The following EXOC6 variants were observed in gnomAD, a reference collection of about 807,000 sequenced individuals.
The protein encoded by EXOC6 is exocyst complex component 6.
In EXOC6, 60 loss-of-function variants were observed where a neutral mutation model predicts 112.5. The observed-to-expected ratio is 0.53, with a 90% CI of 0.43 to 0.66. EXOC6 has a LOEUF of 0.66. EXOC6 is among the 30% of genes least tolerant of loss of function. EXOC6 has a pLI of 0.00. For synonymous variants in EXOC6, 295 were observed against 308.0 expected (o/e 0.96, Z 0.44); for missense variants, 855 against 957.1 (o/e 0.89, Z 1.41).
chr10:93,009,642 C>T (rs1373380800), intron 19 of EXOC6, among the ~76,000 whole-genome samples: 1 of 151,738 alleles, frequency 6.6e-6, no homozygotes, highest in Non-Finnish European at 1.5e-5. Flanking sequence ...CCAAGGAAGA[C>T]GATGATTGAA....
At chr10:92,934,211 T>A (rs1335722346) in intron 10 of EXOC6, 21 bp downstream of exon 10, 2 of 1,523,184 alleles carry the variant, frequency 1.3e-6, no homozygotes, top group Non-Finnish European at 1.8e-6. Flanking sequence ...AATATGGAAA[T>A]AACTATTATT....
chr10:92,840,818 T>G (rs112638885), intron 1 of EXOC6, among the ~76,000 whole-genome samples: 1 of 151,718 alleles, frequency 6.6e-6, no homozygotes, highest in South Asian at 2.1e-4. Flanking sequence ...CCACCATGCC[T>G]GGCTAGTTTT....
chr10:92,937,482 C>T (rs1161084920), intron 12 of EXOC6, among the ~76,000 whole-genome samples: 1 of 152,110 alleles, frequency 6.6e-6, no homozygotes, highest in African/African-American at 2.4e-5. Flanking sequence ...GTCTTTGCAT[C>T]TTAGAATTAT....
upstream of EXOC6, among the ~76,000 whole-genome samples, chr10:92,846,729 G>C (rs1007114607): frequency 2.6e-5 from 4 of 152,146 alleles, no homozygotes; most frequent in Non-Finnish European, 5.9e-5. Context: ...AGTTTGGTAG[G>C]CAGTGGGTCC....
chr10:93,016,330 G>A lies in EXOC6; in HGVS notation c.2169+2063G>A, dbSNP rs1489816701. 5.3e-5 allele frequency among the ~76,000 whole-genome samples: 8 copies of A among 151,378 alleles called. No homozygotes were observed. In the East Asian group the frequency reaches 1.6e-3, roughly 30 times the overall value. On this transcript the variant is annotated intron_variant, in intron 20 of 21. Coordinates refer to ENST00000260762, the MANE Select transcript of EXOC6 (RefSeq NM_019053.6). ...TTTTTTTTGTATTTTTAGTAGAGACGGGGTTTTCCCATGTTCACCAGGCTG... is the reference window on the plus strand; with the variant it reads ...TTTTTTTTGTATTTTTAGTAGAGACAGGGTTTTCCCATGTTCACCAGGCTG...
At chr10:92,966,387 T>C (rs1842053963) in intron 17 of EXOC6, among the ~76,000 whole-genome samples, 1 of 147,498 alleles carries the variant, frequency 6.8e-6, no homozygotes, top group African/African-American at 2.5e-5. Flanking sequence ...GCTGCACCCA[T>C]TAACTCGTCA....
chr10:93,053,139 A>G (rs1455122542), intron 20 of EXOC6, among the ~76,000 whole-genome samples: 1 of 152,178 alleles, frequency 6.6e-6, no homozygotes, highest in Non-Finnish European at 1.5e-5. Flanking sequence ...GGCAAGTATT[A>G]GTGTTTGTAC....
chr10:92,870,944 G>A (rs1363929468), intron 1 of EXOC6, among the ~76,000 whole-genome samples: 1 of 152,094 alleles, frequency 6.6e-6, no homozygotes, highest in Non-Finnish European at 1.5e-5. Context: ...TGCTGACCTC[G>A]TGATCCAACC....
intron 1 of EXOC6, among the ~76,000 whole-genome samples, chr10:92,870,005 G>A (rs1412299234): frequency 7.0e-6 from 1 of 142,300 alleles, no homozygotes; most frequent in Non-Finnish European, 1.5e-5. Flanking sequence ...AGGCTGGAGT[G>A]CAGTGGTGCG....
chr10:93,010,321 T>A (rs564134395), intron 19 of EXOC6, among the ~76,000 whole-genome samples: 7 of 152,330 alleles, frequency 4.6e-5, no homozygotes, highest in African/African-American at 1.7e-4. Context: ...TTAATCAGAT[T>A]CTGGATTAAT....
At chr10:92,870,488 A>G (rs2133719608) in intron 1 of EXOC6, among the ~76,000 whole-genome samples, 1 of 152,230 alleles carries the variant, frequency 6.6e-6, no homozygotes, top group East Asian at 1.9e-4. Context: ...TTTGGTCATG[A>G]CAATTTGCTC....
intron 20 of EXOC6, among the ~76,000 whole-genome samples, chr10:93,035,448 C>A (rs1261756698): frequency 6.6e-6 from 1 of 152,166 alleles, no homozygotes; most frequent in Non-Finnish European, 1.5e-5. Context: ...TTAAAAATTT[C>A]TTAAAAGTAC....
At chr10:92,851,687 A>G (rs1489624425) in intron 1 of EXOC6, among the ~76,000 whole-genome samples, 1 of 151,890 alleles carries the variant, frequency 6.6e-6, no homozygotes, top group Non-Finnish European at 1.5e-5. Context: ...AAAAAAACAA[A>G]ACCAACCAAC....
At chr10:93,040,163 C>T (rs1845692473) in intron 20 of EXOC6, among the ~76,000 whole-genome samples, 1 of 152,320 alleles carries the variant, frequency 6.6e-6, no homozygotes, top group South Asian at 2.1e-4. Context: ...TTTAATGAGG[C>T]TCTCATCTTC....
chr10:92,968,702 C>T (rs1842166019), intron 17 of EXOC6, among the ~76,000 whole-genome samples: 2 of 151,914 alleles, frequency 1.3e-5, no homozygotes, highest in African/African-American at 4.8e-5. Context: ...TTGTTTTAGC[C>T]CCTTCTGGGT....
chr10:92,892,728 G>C (rs1298614466), intron 1 of EXOC6, among the ~76,000 whole-genome samples: 1 of 152,206 alleles, frequency 6.6e-6, no homozygotes, highest in Non-Finnish European at 1.5e-5. Context: ...TGAGCTGAGA[G>C]ACAGTAGGAA....
chr10:93,052,577 A>G (rs1055203885), intron 20 of EXOC6, among the ~76,000 whole-genome samples: 3 of 152,106 alleles, frequency 2.0e-5, no homozygotes, highest in African/African-American at 4.8e-5. Context: ...ATCCTTGGTG[A>G]AAAAAAACTT....
At chr10:93,028,834 C>CAAAAA (rs59650538) in intron 20 of EXOC6, among the ~76,000 whole-genome samples, 5 of 79,162 alleles carry the variant, frequency 6.3e-5, no homozygotes, top group Non-Finnish European at 1.1e-4. Context: ...AACTCCATCT[C>CAAAAA]AAAAAAAAAA....
chr10:92,920,697 A>G (rs1013983922), intron 8 of EXOC6, among the ~76,000 whole-genome samples: 1 of 152,222 alleles, frequency 6.6e-6, no homozygotes, highest in African/African-American at 2.4e-5. Context: ...GGAGTCTTCA[A>G]CTATAACTGT....
Sources: gnomAD v4.1 joint callset for allele counts (sites outside exome capture counted in the v4.1 genomes callset) on GRCh38, gnomAD v4.1.1 for gene constraint, MANE v1.5 for transcripts, NCBI Gene and HGNC (gene_info 2026-07-23, HGNC 2026-07-21) for gene names.